ELAPOR2: variants seen among roughly 807,000 people sequenced by gnomAD.
The protein encoded by ELAPOR2 is endosome-lysosome associated apoptosis and autophagy regulator family member 2.
Under a neutral mutation model 120.7 loss-of-function variants are expected in ELAPOR2, and 89 were observed. The observed-to-expected ratio is 0.74, with a 90% CI of 0.62 to 0.88. The LOEUF is 0.88. Among genes scored for constraint, ELAPOR2 ranks in the 40% least tolerant of loss-of-function variants. The pLI, the probability that ELAPOR2 is intolerant of heterozygous loss-of-function variation, is 0.00. For missense variants in ELAPOR2, 1,134 were observed against 1,251.6 expected (o/e 0.91, Z 1.42); for synonymous variants, 444 against 444.9 (o/e 1.00, Z 0.03).
intron 7 of ELAPOR2, among the ~76,000 whole-genome samples, chr7:86,938,585 C>T (rs552937200): frequency 6.6e-6 from 1 of 151,984 alleles, no homozygotes; most frequent in African/African-American, 2.4e-5. Flanking sequence ...TAGCAGCTAC[C>T]TGTGGGGTGT....
At chr7:87,047,583 C>G (rs1266259329) in intron 1 of ELAPOR2, among the ~76,000 whole-genome samples, 1 of 152,174 alleles carries the variant, frequency 6.6e-6, no homozygotes, top group Admixed American at 6.5e-5. Context: ...AAAAGGTGCT[C>G]AATATCACCA....
chr7:86,886,534 C>T (rs1314626124), intron 21 of ELAPOR2, among the ~76,000 whole-genome samples: 1 of 152,090 alleles, frequency 6.6e-6, no homozygotes. Context: ...GATATGGCTA[C>T]CAGCTATAGC....
intron 1 of ELAPOR2, among the ~76,000 whole-genome samples, chr7:86,976,364 A>T (rs1175808835): frequency 2.0e-5 from 3 of 152,242 alleles, no homozygotes; most frequent in Non-Finnish European, 4.4e-5. Flanking sequence ...AATATTCCAG[A>T]GAGTAATAGA....
chr7:86,896,693 G>GT (rs957356439), intron 19 of ELAPOR2, among the ~76,000 whole-genome samples: 6 of 152,032 alleles, frequency 3.9e-5, no homozygotes, highest in African/African-American at 1.4e-4. Context: ...GATTAAGTTT[G>GT]TTTTTTTCAT....
chr7:87,005,836 C>T (rs1793453317), intron 1 of ELAPOR2, among the ~76,000 whole-genome samples: 1 of 152,136 alleles, frequency 6.6e-6, no homozygotes, highest in Non-Finnish European at 1.5e-5. Context: ...AAACAAGAAA[C>T]TATCTTCATG....
chr7:86,991,314 G>C (rs115619440), intron 1 of ELAPOR2, among the ~76,000 whole-genome samples: 167 of 152,236 alleles, frequency 1.1e-3, no homozygotes, highest in African/African-American at 3.6e-3. Context: ...TTTAATAACT[G>C]TGTTACTGAA....
At chr7:86,936,580 T>C (rs528820326) in intron 8 of ELAPOR2, among the ~76,000 whole-genome samples, 7 of 152,140 alleles carry the variant, frequency 4.6e-5, no homozygotes, top group Non-Finnish European at 1.0e-4. Context: ...TATAAAGTAC[T>C]AGCACATTGT....
chr7:86,954,367 G>GT, intron 2 of ELAPOR2, among the ~76,000 whole-genome samples: 1 of 152,130 alleles, frequency 6.6e-6, no homozygotes, highest in Non-Finnish European at 1.5e-5. Flanking sequence ...AGGCCACATA[G>GT]TTTTGCTTTT....
chr7:87,036,818 A>G (rs1429864868), intron 1 of ELAPOR2, among the ~76,000 whole-genome samples: 1 of 152,094 alleles, frequency 6.6e-6, no homozygotes, highest in Non-Finnish European at 1.5e-5. Context: ...GGGTTGAAAA[A>G]CTGTTGGGTA....
chr7:86,961,473 A>C (rs1458293940), intron 2 of ELAPOR2, among the ~76,000 whole-genome samples: 2 of 152,208 alleles, frequency 1.3e-5, no homozygotes, highest in Non-Finnish European at 2.9e-5. Flanking sequence ...AAATATGTAA[A>C]GGAACTCTCT....
At chr7:86,900,133 G>T (rs1788649679) in intron 18 of ELAPOR2, among the ~76,000 whole-genome samples, 1 of 151,814 alleles carries the variant, frequency 6.6e-6, no homozygotes, top group Non-Finnish European at 1.5e-5. Context: ...TTGTTTTCTA[G>T]CACAGTGGAG....
chr7:87,003,633 C>A (rs1318030628), intron 1 of ELAPOR2, among the ~76,000 whole-genome samples: 1 of 152,134 alleles, frequency 6.6e-6, no homozygotes, highest in Non-Finnish European at 1.5e-5. Flanking sequence ...AATTAAGCCT[C>A]TTTTCTTTAT....
At chr7:86,992,876 T>C (rs1158537878) in intron 1 of ELAPOR2, among the ~76,000 whole-genome samples, 1 of 152,190 alleles carries the variant, frequency 6.6e-6, no homozygotes, top group Non-Finnish European at 1.5e-5. Flanking sequence ...AGGAATGTCA[T>C]GATCATGATC....
At chr7:87,013,745 T>C (rs1473529844) in intron 1 of ELAPOR2, among the ~76,000 whole-genome samples, 2 of 152,210 alleles carry the variant, frequency 1.3e-5, no homozygotes, top group Non-Finnish European at 2.9e-5. Context: ...TATTTCATTT[T>C]ATTAAATAGA....
intron 2 of ELAPOR2, among the ~76,000 whole-genome samples, chr7:86,964,050 G>C (rs1017865727): frequency 2.6e-5 from 4 of 152,158 alleles, no homozygotes; most frequent in Non-Finnish European, 5.9e-5. Context: ...TGCTCTCTAT[G>C]AATAGAAAGA....
chr7:86,926,674 C>T, intron 9 of ELAPOR2, 62 bp downstream of exon 9: 1 of 1,416,326 alleles, frequency 7.1e-7, no homozygotes, highest in Non-Finnish European at 9.5e-7. Flanking sequence ...AGAAAATGGT[C>T]ACAGTAGTCC....
intron 1 of ELAPOR2, among the ~76,000 whole-genome samples, chr7:87,022,177 A>C (rs1794064579): frequency 6.6e-6 from 1 of 151,892 alleles, no homozygotes; most frequent in Non-Finnish European, 1.5e-5. Flanking sequence ...GTGTTGCACC[A>C]ATTAACTCGT....
At chr7:86,965,816 A>T in intron 1 of ELAPOR2, 1 of 985,346 alleles carries the variant, frequency 1.0e-6, no homozygotes, top group Non-Finnish European at 1.2e-6. Context: ...TACCTTACTT[A>T]TTCAGTTCAA....
chr7:86,924,231 T>G (rs1394684004), intron 10 of ELAPOR2, among the ~76,000 whole-genome samples: 1 of 152,110 alleles, frequency 6.6e-6, no homozygotes, highest in Non-Finnish European at 1.5e-5. Context: ...TGATCATTAC[T>G]GAAAACTAAG....
Sources: gnomAD v4.1 joint callset for allele counts (sites outside exome capture counted in the v4.1 genomes callset) on GRCh38, gnomAD v4.1.1 for gene constraint, MANE v1.5 for transcripts, NCBI Gene and HGNC (gene_info 2026-07-23, HGNC 2026-07-21) for gene names.